SH3GL2: variants seen among roughly 807,000 people sequenced by gnomAD.
The protein encoded by SH3GL2 is endophilin-A1.
In SH3GL2, 24 loss-of-function variants were observed where a neutral mutation model predicts 46.0. The ratio of observed to expected loss-of-function variants is 0.52; its 90% confidence interval spans 0.38 to 0.73. The LOEUF (loss-of-function observed/expected upper bound fraction) is 0.73, where lower values mean the gene tolerates loss of function less well. Ranked by LOEUF, SH3GL2 falls within the 30% of genes least tolerant of loss-of-function variation. The pLI is 0.00. For missense variants in SH3GL2, 413 were observed against 424.2 expected, an observed-to-expected ratio of 0.97 and a Z score of 0.23; for synonymous variants, 196 against 147.1, an observed-to-expected ratio of 1.33 and a Z score of -2.40.
At chr9:17,726,779 T>C (rs951492865) in intron 1 of SH3GL2, among the ~76,000 whole-genome samples, 1 of 152,134 alleles carries the variant, frequency 6.6e-6, no homozygotes, top group Admixed American at 6.6e-5. Flanking sequence ...ATCATCAGAT[T>C]TGCAAAAATT....
At chr9:17,749,200 C>T (rs1451925286) in intron 2 of SH3GL2, among the ~76,000 whole-genome samples, 2 of 152,342 alleles carry the variant, frequency 1.3e-5, no homozygotes, top group Admixed American at 1.3e-4. Context: ...TAAATACCAC[C>T]TGATCCTCAA....
At chr9:17,654,136 T>C (rs1820016199) in intron 1 of SH3GL2, among the ~76,000 whole-genome samples, 1 of 152,140 alleles carries the variant, frequency 6.6e-6, no homozygotes, top group African/African-American at 2.4e-5. Flanking sequence ...TGGAGTCAGA[T>C]GATCATCTTT....
intron 1 of SH3GL2, among the ~76,000 whole-genome samples, chr9:17,635,581 C>G (rs539456107): frequency 6.6e-6 from 1 of 152,268 alleles, no homozygotes; most frequent in African/African-American, 2.4e-5. Flanking sequence ...TAAAAGGTAT[C>G]CAGCACATGC....
intron 1 of SH3GL2, among the ~76,000 whole-genome samples, chr9:17,706,608 A>G (rs1163812628): frequency 1.3e-5 from 2 of 152,206 alleles, no homozygotes; most frequent in African/African-American, 4.8e-5. Flanking sequence ...GTCTTAAATT[A>G]TATGACATAT....
chr9:17,773,044 G>T (rs574962468), intron 3 of SH3GL2, among the ~76,000 whole-genome samples: 1 of 152,014 alleles, frequency 6.6e-6, no homozygotes, highest in Non-Finnish European at 1.5e-5. Context: ...GTGTGAGGTG[G>T]TATCTCATTG....
At chr9:17,658,334 A>T (rs1489094413) in intron 1 of SH3GL2, among the ~76,000 whole-genome samples, 1 of 152,188 alleles carries the variant, frequency 6.6e-6, no homozygotes, top group African/African-American at 2.4e-5. Context: ...TTTAGTAGCA[A>T]ATTATACTGC....
rs189658946 is a variant in SH3GL2 at position 17,583,711 on chromosome 9, T to A, written c.45+4424T>A. On this transcript the variant is annotated intron_variant, in intron 1 of 8. Coordinates refer to ENST00000380607, the MANE Select transcript of SH3GL2 (RefSeq NM_003026.5). ...GGGTTTTATGATACAGTCTGGTATA[T>A]GTTTATTTGTCACACTCAGATTCCT... 2.0e-5 allele frequency among the ~76,000 whole-genome samples: 3 copies of A among 152,278 alleles called. No homozygotes were observed. The East Asian group carries it at 5.8e-4, about 29-fold the overall frequency.
intron 2 of SH3GL2, among the ~76,000 whole-genome samples, chr9:17,749,466 G>A (rs1251131755): frequency 6.6e-6 from 1 of 152,094 alleles, no homozygotes; most frequent in Non-Finnish European, 1.5e-5. Context: ...CACCCCTGGA[G>A]AGCATTTATA....
rs1177833507 is a variant in SH3GL2, at chr9:17,686,503, G to A, written c.46-60563G>A. On this transcript the variant is annotated intron_variant, in intron 1 of 8. Transcript: ENST00000380607. Reference sequence around the variant, plus strand: ...ACACATGCACACGTATGTTTATTGCGGCATTATCCACAATAGCAAAGACTT... The same window carrying A: ...ACACATGCACACGTATGTTTATTGCAGCATTATCCACAATAGCAAAGACTT... Among the ~76,000 whole-genome samples, 37 of 146,458 alleles carry A rather than the reference G, an allele frequency of 2.5e-4. 1 individual carries two copies. The East Asian group carries it at 3.1e-3, about 12-fold the overall frequency.
At chr9:17,698,390 G>A (rs1028991000) in intron 1 of SH3GL2, among the ~76,000 whole-genome samples, 1 of 152,168 alleles carries the variant, frequency 6.6e-6, no homozygotes, top group Admixed American at 6.5e-5. Flanking sequence ...TTACATAACA[G>A]AGATAGAGTG....
intron 1 of SH3GL2, among the ~76,000 whole-genome samples, chr9:17,601,362 C>T (rs897124608): frequency 1.3e-5 from 2 of 152,036 alleles, no homozygotes; most frequent in South Asian, 2.1e-4. Flanking sequence ...AAGCAGCTTG[C>T]TGCTTTCCAT....
chr9:17,634,997 T>C (rs533454956), intron 1 of SH3GL2, among the ~76,000 whole-genome samples: 21 of 152,294 alleles, frequency 1.4e-4, no homozygotes, highest in African/African-American at 4.6e-4. Flanking sequence ...ATTTTAAAGT[T>C]CAAGGATACG....
At position 17,696,951 on chromosome 9, in the gene SH3GL2, A is replaced by G. The variant is rs1255029978; in HGVS notation, c.46-50115A>G. Among the ~76,000 whole-genome samples, 289 of 152,222 alleles carry G rather than the reference A, an allele frequency of 1.9e-3. 1 individual carries two copies. Among genetic ancestry groups the G allele is most frequent in the Non-Finnish European group, 1.3e-3 (86 of 68,018 alleles). ...TTTTAGAGTGACTTTTAAAGACTGA[A>G]CATGCAGAAGCCTCATTGCCTCTTA... On this transcript the variant is annotated intron_variant, in intron 1 of 8. Transcript: ENST00000380607.
chr9:17,631,451 G>T (rs1819419292), intron 1 of SH3GL2, among the ~76,000 whole-genome samples: 1 of 152,190 alleles, frequency 6.6e-6, no homozygotes, highest in Admixed American at 6.5e-5. Flanking sequence ...ATTCTTTTCT[G>T]GGCTTTATTG....
At chr9:17,685,562 A>G (rs976443608) in intron 1 of SH3GL2, among the ~76,000 whole-genome samples, 13 of 152,066 alleles carry the variant, frequency 8.5e-5, no homozygotes, top group Non-Finnish European at 1.9e-4. Flanking sequence ...GTTTTCTTCT[A>G]GGGTTTTTAT....
At chr9:17,643,957 G>T (rs150794340) in intron 1 of SH3GL2, among the ~76,000 whole-genome samples, 1 of 152,162 alleles carries the variant, frequency 6.6e-6, no homozygotes, top group South Asian at 2.1e-4. Flanking sequence ...GAATTCGTCT[G>T]GTCCTGGGCT....
intron 1 of SH3GL2, among the ~76,000 whole-genome samples, chr9:17,735,452 A>T (rs929304119): frequency 6.6e-6 from 1 of 152,184 alleles, no homozygotes; most frequent in Non-Finnish European, 1.5e-5. Flanking sequence ...AGAGTATGAC[A>T]TATAGCTACA....
chr9:17,782,359 A>G (rs1478742898), intron 3 of SH3GL2, among the ~76,000 whole-genome samples: 1 of 152,160 alleles, frequency 6.6e-6, no homozygotes, highest in African/African-American at 2.4e-5. Context: ...ATCCTCACAT[A>G]GAGCAGATTT....
intron 1 of SH3GL2, among the ~76,000 whole-genome samples, chr9:17,586,152 A>G (rs1588156607): frequency 6.6e-6 from 1 of 152,180 alleles, no homozygotes; most frequent in Non-Finnish European, 1.5e-5. Flanking sequence ...CACTATTTAT[A>G]AAGGTTTTAC....
Sources: gnomAD v4.1 joint callset for allele counts (sites outside exome capture counted in the v4.1 genomes callset) on GRCh38, gnomAD v4.1.1 for gene constraint, MANE v1.5 for transcripts, NCBI Gene and HGNC (gene_info 2026-07-23, HGNC 2026-07-21) for gene names.